CDC42BPG: variants seen among roughly 807,000 people sequenced by gnomAD.
The protein encoded by CDC42BPG is CDC42 binding protein kinase gamma.
A neutral mutation model predicts 192.2 loss-of-function variants in CDC42BPG; 157 were observed. That is an observed-to-expected ratio of 0.82 (90% CI 0.72 to 0.93). The LOEUF (loss-of-function observed/expected upper bound fraction) is 0.93. CDC42BPG is among the 40% of genes least tolerant of loss of function. CDC42BPG has a pLI of 0.00. For synonymous variants in CDC42BPG, 981 were observed against 918.5 expected, an observed-to-expected ratio of 1.07 and a Z score of -1.23; for missense variants, 1,992 against 2,122.1, an observed-to-expected ratio of 0.94 and a Z score of 1.20.
In CDC42BPG at chr11:64,836,513, C is replaced by A. The variant is rs777137707; in HGVS notation, c.1402G>T (p.Ala468Ser). 4 of 1,613,342 alleles carry A rather than the reference C, an allele frequency of 2.5e-6. No homozygotes were observed. The highest frequency in any genetic ancestry group is 3.4e-6 in the Non-Finnish European group (4 of 1,179,948). The change falls in exon 12 of 37, where the codon GCC becomes TCC. Residue 468 changes from alanine (A) to serine (S), a missense_variant. Transcript: ENST00000342711. ...GGCCCATCCGTCTGGGACAATGAGG[C>A]CTTGTCCCTCAGCATCTCTGCCAGG... ...DRLPEMLRDKASLSQTDGPPA... is the reference protein window; with the variant it reads ...DRLPEMLRDKSSLSQTDGPPA...
At position 64,833,779 on chromosome 11, in the gene CDC42BPG, G is replaced by T. The variant is rs776140099; in HGVS notation, c.2524C>A (p.Pro842Thr). 2.2e-5 allele frequency: 36 copies of T among 1,614,080 alleles called. No homozygotes were observed. In the South Asian group the frequency reaches 3.7e-4, roughly 17 times the overall value. The change falls in exon 22 of 37, where the codon CCA becomes ACA. Residue 842 changes from proline (P) to threonine (T), a missense_variant. Around this residue, in one of 2 missense-constraint regions of CDC42BPG, gnomAD observed 1,656 missense variants for 1,844.3 expected, o/e 0.90. Transcript: ENST00000342711. ...SGEATRHGGE[P>T]DLRPEGRRSL... ...CGTCGGCCCTCCGGCCTCAGATCTGGCTCTCCTCCATGCCTTGTGGCCTCT... is the reference window on the plus strand; with the variant it reads ...CGTCGGCCCTCCGGCCTCAGATCTGTCTCTCCTCCATGCCTTGTGGCCTCT...
intron 17 of CDC42BPG, 22 bp from the exon 18 acceptor site, chr11:64,834,985 G>T (rs752393503): frequency 6.2e-7 from 1 of 1,613,258 alleles, no homozygotes; most frequent in Non-Finnish European, 8.5e-7. Flanking sequence ...GGGGCTCAGG[G>T]TCATGGGCTG....
intron 4 of CDC42BPG, 119 bp downstream of exon 4, chr11:64,840,434 G>A (rs1943229286): frequency 1.5e-6 from 2 of 1,373,724 alleles, no homozygotes; most frequent in Admixed American, 2.0e-5. Flanking sequence ...GGAACTGGTG[G>A]GAAGTGGGAG....
intron 35 of CDC42BPG, 42 bp downstream of exon 35, chr11:64,826,629 G>A (rs1477782875): frequency 1.3e-6 from 2 of 1,586,260 alleles, no homozygotes; most frequent in Non-Finnish European, 1.7e-6. Context: ...TAGAAACTTG[G>A]GGTGGGGGGT....
In CDC42BPG at chr11:64,827,410, G is replaced by A. The variant is rs1383552366; in HGVS notation, c.4151-12C>T. On this transcript the variant is annotated splice_polypyrimidine_tract_variant and intron_variant, in intron 32 of 36. Coordinates refer to ENST00000342711, the MANE Select transcript of CDC42BPG (RefSeq NM_017525.3). ...GAACTCGTCCTTCTCTGTGGGAGAAGTGGAGAGCTGGGCTGTGCTCACACA... is the reference window on the plus strand; with the variant it reads ...GAACTCGTCCTTCTCTGTGGGAGAAATGGAGAGCTGGGCTGTGCTCACACA... The A allele has an allele frequency of 1.2e-6, 2 of 1,612,832 alleles. No individual in the cohort carries two copies. Among genetic ancestry groups the A allele is most frequent in the East Asian group, 4.5e-5 (2 of 44,814 alleles).
In CDC42BPG at chr11:64,834,590, G is replaced by A; in HGVS notation, c.2176-13C>T. 6.5e-7 allele frequency: 1 copy of A among 1,544,256 alleles called. No homozygotes were observed. Among genetic ancestry groups the A allele is most frequent in the Non-Finnish European group, 8.8e-7 (1 of 1,142,602 alleles). On this transcript the variant is annotated splice_polypyrimidine_tract_variant and intron_variant, in intron 18 of 36. Transcript: ENST00000342711. ...TCCACTGGTGGTCCTGGTGGCCACG[G>A]AGCACCCGTATAAGATGCTTTCTAG...
Position 64,836,104 on chromosome 11 carries a change from C to T in CDC42BPG, c.1668+13G>A, listed in dbSNP as rs73494273. On this transcript the variant is annotated intron_variant, in intron 13 of 36. Transcript: ENST00000342711. ...GGGCCCAGGTGCTGTCCCTACCCACCCTGGTCACTCACCTCCCTCTGGGCA... is the reference window on the plus strand; with the variant it reads ...GGGCCCAGGTGCTGTCCCTACCCACTCTGGTCACTCACCTCCCTCTGGGCA... 2,585 of 1,591,790 alleles carry T rather than the reference C, an allele frequency of 1.6e-3. 44 individuals are homozygous for T. In the African/African-American group the frequency reaches 0.031, roughly 19 times the overall value.
intron 1 of CDC42BPG, among the ~76,000 whole-genome samples, chr11:64,844,176 C>T (rs1369681915): frequency 6.6e-6 from 1 of 151,816 alleles, no homozygotes; most frequent in Non-Finnish European, 1.5e-5. Context: ...TATGTGTGTG[C>T]ATGTGTCGGG....
intron 5 of CDC42BPG, 65 bp from the exon 6 acceptor site, chr11:64,839,636 C>A: frequency 7.4e-7 from 1 of 1,343,920 alleles, no homozygotes; most frequent in Non-Finnish European, 1.0e-6. Flanking sequence ...TTTAGGCACA[C>A]GCCCAGGTGC....
At chr11:64,827,484 C>T (rs779693086) in intron 32 of CDC42BPG, 43 bp downstream of exon 32, 5 of 1,603,994 alleles carry the variant, frequency 3.1e-6, no homozygotes, top group Non-Finnish European at 4.3e-6. Flanking sequence ...GCCACACGTG[C>T]GCACTGGGGA....
At chr11:64,833,490 C>T in intron 23 of CDC42BPG, 110 bp downstream of exon 23, 2 of 1,138,716 alleles carry the variant, frequency 1.8e-6, no homozygotes, top group Non-Finnish European at 2.5e-6. Context: ...ACCACCTCCA[C>T]CCCAATTGTG....
intron 9 of CDC42BPG, 128 bp downstream of exon 9, chr11:64,837,955 C>T (rs1337064290): frequency 2.5e-6 from 2 of 798,502 alleles, no homozygotes; most frequent in South Asian, 1.5e-5. Flanking sequence ...GGCTAGAGCA[C>T]CTGCCACATG....
rs201215892 is a variant in CDC42BPG at position 64,835,372 on chromosome 11, C to T, written c.1928G>A (p.Arg643Gln). 188 of 1,613,834 alleles carry T rather than the reference C, an allele frequency of 1.2e-4. No individual in the cohort carries two copies. The highest frequency in any genetic ancestry group is 3.3e-4 in the Middle Eastern group (2 of 6,084). Residue 643 changes from arginine to glutamine, a missense_variant, in exon 16 of 37, where the codon CGG becomes CAG. By Grantham distance (43) the Arg-to-Gln change is conservative. Transcript: ENST00000342711. ...CCGCTCCTGCTCCCGGCTCAGCCTC[C>T]GGTTTTCCTCCTGCAGCTGGCACAG... ...EALCQLQEENRRLSREQERLE... is the reference protein window; with the variant it reads ...EALCQLQEENQRLSREQERLE...
rs1223898260 is a variant in CDC42BPG at position 64,836,435 on chromosome 11, G to A, written c.1480C>T (p.Leu494Phe). The A allele has an allele frequency of 6.2e-7, 1 of 1,610,350 alleles. No individual in the cohort carries two copies. The highest frequency in any genetic ancestry group is 8.5e-7 in the Non-Finnish European group (1 of 1,177,928). Residue 494 changes from leucine (L) to phenylalanine (F), a missense_variant, in exon 12 of 37, where the codon CTT (leucine) becomes TTT (phenylalanine). By Grantham distance (22) the Leu-to-Phe change is conservative. This residue lies in a region of CDC42BPG where 1,656 missense variants were observed against 1,844.3 expected (regional missense o/e 0.90). Transcript: ENST00000342711. ...DSDLRQELDR[L>F]HRELAEGRAG... The stretch of plus-strand genomic sequence containing the variant: ...CCTCACCCAGCCCTCACCCGGTGAA[G>A]TCGGTCAAGCTCCTGCCGTAGGTCA...
In CDC42BPG at chr11:64,833,859, C is replaced by T. The variant is rs377225393; in HGVS notation, c.2467-23G>A. 8.1e-6 allele frequency: 13 copies of T among 1,614,050 alleles called. No homozygotes were observed. The African/African-American group carries it at 1.7e-4, about 22-fold the overall frequency. On this transcript the variant is annotated intron_variant, in intron 21 of 36. Coordinates refer to ENST00000342711, the MANE Select transcript of CDC42BPG (RefSeq NM_017525.3). The stretch of plus-strand genomic sequence containing the variant: ...CTTCTGGGGGTGGGAGAGAGAGGAG[C>T]AAAGTCAAGGTCCCTGTGCCTCTCC...
At position 64,840,230 on chromosome 11, in the gene CDC42BPG, C is replaced by T; in HGVS notation, c.471G>A (p.Leu157=). Residue 157 remains leucine (L), a synonymous_variant, in exon 5 of 37, where the codon CTG becomes CTA. Coordinates refer to ENST00000342711, the MANE Select transcript of CDC42BPG (RefSeq NM_017525.3). ...GGTCCTCGAAGCGGCTCAGCAGCGT[C>T]AGGAGGTCCCCACCAGCATAGTAGT... ...VMDYYAGGDL[L]TLLSRFEDRL... is the part of the protein sequence containing the mutation. 6.2e-7 allele frequency: 1 copy of T among 1,612,956 alleles called. No individual in the cohort carries two copies. Among genetic ancestry groups the T allele is most frequent in the South Asian group, 1.1e-5 (1 of 91,090 alleles).
In CDC42BPG at chr11:64,840,115, C is replaced by A. The variant is rs589984; in HGVS notation, c.581+5G>T. On this transcript the variant is annotated splice_donor_5th_base_variant and intron_variant, in intron 5 of 36. Coordinates refer to ENST00000342711, the MANE Select transcript of CDC42BPG (RefSeq NM_017525.3). The stretch of plus-strand genomic sequence containing the variant: ...TTGGGCAGGGCAGCGGGGTTGGGGC[C>A]CCACCTGTGGACATAACCCAGCTGG... 3 of 1,609,278 alleles carry A rather than the reference C, an allele frequency of 1.9e-6. No individual in the cohort carries two copies. Among genetic ancestry groups the A allele is most frequent in the Non-Finnish European group, 2.5e-6 (3 of 1,178,292 alleles).
chr11:64,841,991 C>A, intron 1 of CDC42BPG, 87 bp from the exon 2 acceptor site: 1 of 1,095,558 alleles, frequency 9.1e-7, no homozygotes, highest in South Asian at 1.3e-5. Context: ...AGCTGCCGCT[C>A]CTGTGAGCCC....
In CDC42BPG at chr11:64,831,659, G is replaced by C; in HGVS notation, c.3150C>G (p.Ser1050Arg). 6.2e-7 allele frequency: 1 copy of C among 1,609,882 alleles called. No homozygotes were observed. Among genetic ancestry groups the C allele is most frequent in the Non-Finnish European group, 8.5e-7 (1 of 1,179,606 alleles). The part of the protein sequence containing the change: ...TTCTVLLLAE[S>R]EGERERWLQV... ...GCAGCCAGCGTTCCCGCTCCCCCTC[G>C]CTCTCTGCCAGCAGCAGCACAGTGC... Residue 1050 changes from serine to arginine, a missense_variant, in exon 28 of 37, where the codon AGC (serine) becomes AGG (arginine). Ser to Arg is a moderately radical substitution (Grantham distance 110). Transcript: ENST00000342711.
Sources: gnomAD v4.1 joint callset for allele counts (sites outside exome capture counted in the v4.1 genomes callset) on GRCh38, gnomAD v4.1.1 for gene constraint, gnomAD v4.1.1 regional missense constraint, MANE v1.5 for transcripts, NCBI Gene and HGNC (gene_info 2026-07-23, HGNC 2026-07-21) for gene names.